STXBP4: variants seen among roughly 807,000 people sequenced by gnomAD.
The protein encoded by STXBP4 is syntaxin-binding protein 4.
In STXBP4, 55 loss-of-function variants were observed where a neutral mutation model predicts 76.1. The ratio of observed to expected loss-of-function variants is 0.72; its 90% CI spans 0.58 to 0.91. The LOEUF (loss-of-function observed/expected upper bound fraction) is 0.91, where lower values mean the gene tolerates loss of function less well. Among genes scored for constraint, STXBP4 ranks in the 40% least tolerant of loss-of-function variants. The probability of loss-of-function intolerance (pLI) is 0.00; values close to 1 mark genes in which losing one functional copy is unlikely to be tolerated. For synonymous variants in STXBP4, 201 were observed against 220.2 expected (o/e 0.91, Z 0.77); for missense variants, 618 against 636.9 (o/e 0.97, Z 0.32).
At chr17:55,030,252 C>T (rs750841343) in intron 8 of STXBP4, among the ~76,000 whole-genome samples, 4 of 152,144 alleles carry the variant, frequency 2.6e-5, no homozygotes, top group Non-Finnish European at 4.4e-5. Context: ...ATCTTTACTG[C>T]GGTACCACAT....
Position 54,990,858 on chromosome 17 carries a change from G to T in STXBP4, c.81G>T (p.Lys27Asn). ...DPAFQMITIA[K>N]ETGLGLKVLG... ...CCTTTCAGATGATTACAATTGCCAA[G>T]GAAACAGGCCTTGGCCTGAAGGTAC... The change falls in exon 4 of 18, where the codon AAG becomes AAT. Residue 27 changes from lysine to asparagine, a missense_variant. Coordinates refer to ENST00000376352, the MANE Select transcript of STXBP4 (RefSeq NM_178509.6). 6.2e-7 allele frequency: 1 copy of T among 1,604,624 alleles called. No homozygotes were observed. Among genetic ancestry groups the T allele is most frequent in the Non-Finnish European group, 8.5e-7 (1 of 1,176,862 alleles).
intron 12 of STXBP4, among the ~76,000 whole-genome samples, chr17:55,066,255 G>T (rs905866415): frequency 1.3e-5 from 2 of 151,618 alleles, no homozygotes; most frequent in Non-Finnish European, 1.5e-5. Context: ...ACAGAGTCTC[G>T]CTGTGTCACC....
At chr17:55,112,751 A>G (rs1382062470) in intron 16 of STXBP4, among the ~76,000 whole-genome samples, 6 of 152,138 alleles carry the variant, frequency 3.9e-5, no homozygotes, top group African/African-American at 4.8e-5. Context: ...TAGAGAAAGT[A>G]TATAACAGGA....
intron 16 of STXBP4, among the ~76,000 whole-genome samples, chr17:55,119,666 T>A (rs940604179): frequency 6.6e-6 from 1 of 151,954 alleles, no homozygotes; most frequent in Non-Finnish European, 1.5e-5. Flanking sequence ...TAAAAATATA[T>A]AAGTATATAA....
intron 16 of STXBP4, among the ~76,000 whole-genome samples, chr17:55,101,389 A>G (rs1225853347): frequency 6.6e-6 from 1 of 152,182 alleles, no homozygotes; most frequent in African/African-American, 2.4e-5. Context: ...ATTTTTTACC[A>G]TCTTAATTAA....
Position 55,011,502 on chromosome 17 carries a change from C to CTTT in STXBP4, c.666+3908_666+3910dup, listed in dbSNP as rs796486777. ...ATTGTGGGATCAAAGAGTTTATTTT[C>CTTT]TTTTTCTTTTTTTTTTTTTTTTTGC... On this transcript the variant is annotated intron_variant, in intron 8 of 17. Transcript: ENST00000376352. Among the ~76,000 whole-genome samples the CTTT allele has an allele frequency of 1.5e-4, 5 of 34,316 alleles. No homozygotes were observed. In the East Asian group the frequency reaches 4.7e-3, roughly 32 times the overall value. 22.5% of individuals were successfully genotyped at this position (34,316 alleles called of 152,430 possible). A position where few individuals can be genotyped will look rare whatever the true frequency, so the allele number is the denominator to read the frequency against.
chr17:54,980,876 A>G (rs1333608676), intron 1 of STXBP4, among the ~76,000 whole-genome samples: 1 of 152,156 alleles, frequency 6.6e-6, no homozygotes, highest in Non-Finnish European at 1.5e-5. Context: ...GCCCAGGACA[A>G]CTTTAAATGT....
chr17:55,023,784 C>T (rs1329541601), intron 8 of STXBP4, among the ~76,000 whole-genome samples: 1 of 151,866 alleles, frequency 6.6e-6, no homozygotes, highest in Non-Finnish European at 1.5e-5. Context: ...TCATATGGCT[C>T]AAGGAATGAC....
chr17:55,186,549 A>G, the STXBP4 span, among the ~76,000 whole-genome samples: 4 of 152,220 alleles, frequency 2.6e-5, no homozygotes, highest in Non-Finnish European at 5.9e-5. Flanking sequence ...ACCAAATTCT[A>G]AAGGATGTAT....
chr17:55,044,671 T>C (rs1205528719), intron 11 of STXBP4: 2 of 151,996 alleles, frequency 1.3e-5, no homozygotes, highest in African/African-American at 4.8e-5. Flanking sequence ...AATAAATATA[T>C]GTATATGTGG....
chr17:55,120,844 G>A (rs1198051411), intron 16 of STXBP4, among the ~76,000 whole-genome samples: 4 of 151,960 alleles, frequency 2.6e-5, no homozygotes, highest in Non-Finnish European at 5.9e-5. Context: ...TGCACAGAAG[G>A]AACATTAGCC....
intron 17 of STXBP4, among the ~76,000 whole-genome samples, chr17:55,154,830 T>C (rs79172904): frequency 6.6e-6 from 1 of 152,122 alleles, no homozygotes; most frequent in African/African-American, 2.4e-5. Context: ...TTTAGATTCT[T>C]ATAATATGAT....
At chr17:55,035,616 A>G (rs575048801) in intron 10 of STXBP4, among the ~76,000 whole-genome samples, 125 of 152,064 alleles carry the variant, frequency 8.2e-4, no homozygotes, top group African/African-American at 2.9e-3. Context: ...ATATTGAATT[A>G]TAATTATACT....
chr17:55,129,838 C>T (rs1034252296), intron 16 of STXBP4, among the ~76,000 whole-genome samples: 5 of 152,114 alleles, frequency 3.3e-5, no homozygotes, highest in Non-Finnish European at 7.3e-5. Context: ...AGTTATTTAA[C>T]CAAATACTAA....
intron 12 of STXBP4, among the ~76,000 whole-genome samples, chr17:55,067,803 T>C (rs564060860): frequency 6.6e-6 from 1 of 152,166 alleles, no homozygotes; most frequent in East Asian, 1.9e-4. Flanking sequence ...GTGGTTAGAA[T>C]GGAAATTAAG....
At chr17:55,001,168 T>C (rs2077907552) in intron 7 of STXBP4, among the ~76,000 whole-genome samples, 1 of 152,196 alleles carries the variant, frequency 6.6e-6, no homozygotes, top group Non-Finnish European at 1.5e-5. Context: ...ATGGAAAGTC[T>C]TCTATAAAGA....
chr17:55,156,555 CT>C (rs2080279557), intron 17 of STXBP4, among the ~76,000 whole-genome samples: 1 of 152,194 alleles, frequency 6.6e-6, no homozygotes, highest in Admixed American at 6.5e-5. Context: ...CTGCCAGGCA[CT>C]TCACATGCAT....
At chr17:55,093,652 T>C (rs1316790746) in intron 16 of STXBP4, among the ~76,000 whole-genome samples, 1 of 152,222 alleles carries the variant, frequency 6.6e-6, no homozygotes, top group East Asian at 1.9e-4. Flanking sequence ...TCAAATTTAA[T>C]CTTGGGAGTT....
intron 16 of STXBP4, among the ~76,000 whole-genome samples, chr17:55,125,344 C>T (rs2079897811): frequency 6.6e-6 from 1 of 151,952 alleles, no homozygotes; most frequent in South Asian, 2.1e-4. Flanking sequence ...TAACATGAGA[C>T]AATTAGAGGA....
Sources: gnomAD v4.1 joint callset for allele counts (sites outside exome capture counted in the v4.1 genomes callset) on GRCh38, gnomAD v4.1.1 for gene constraint, MANE v1.5 for transcripts, NCBI Gene and HGNC (gene_info 2026-07-23, HGNC 2026-07-21) for gene names.